BUB1B: variants seen among roughly 807,000 people sequenced by gnomAD.
BUB1B encodes the protein BUB1 mitotic checkpoint serine/threonine kinase B, also known as mitotic checkpoint serine/threonine-protein kinase BUB1 beta.
BUB1B carries 86 observed loss-of-function variants against 137.7 expected under a neutral mutation model. That is an observed-to-expected ratio of 0.62 (90% CI 0.52 to 0.75). BUB1B has a LOEUF of 0.75. BUB1B is among the 30% of genes least tolerant of loss of function. The pLI is 0.00. For synonymous variants in BUB1B, 420 were observed against 417.9 expected (o/e 1.00, Z -0.06); for missense variants, 1,130 against 1,236.9 (o/e 0.91, Z 1.30).
chr15:40,188,514 T>G (rs2037396427), intron 8 of BUB1B, among the ~76,000 whole-genome samples: 1 of 152,116 alleles, frequency 6.6e-6, no homozygotes, highest in African/African-American at 2.4e-5. Flanking sequence ...TACTTTGTCC[T>G]TGTCTTTTGG....
chr15:40,202,264 T>G, intron 12 of BUB1B, 141 bp from the exon 13 acceptor site: 1 of 709,456 alleles, frequency 1.4e-6, no homozygotes, highest in Non-Finnish European at 2.4e-6. Flanking sequence ...TGACCTTTTA[T>G]ATGTTTGAAG....
Position 40,170,200 on chromosome 15 carries a change from T to C in BUB1B, c.239+79T>C, listed in dbSNP as rs372984239. On this transcript the variant is annotated intron_variant, in intron 3 of 22. Coordinates refer to ENST00000287598, the MANE Select transcript of BUB1B (RefSeq NM_001211.6). ...TGGCCATGTTTCTCAAATTGGGGTA[T>C]ATGGAGTGTGTGTCAGAGTAGACAG... 50 of 1,356,922 alleles carry C rather than the reference T, an allele frequency of 3.7e-5. No homozygotes were observed. In the African/African-American group the frequency reaches 5.5e-4, roughly 15 times the overall value. The allele number at this position is 1,356,922 out of a possible 1,614,324, so 84.1% of individuals were successfully genotyped here. A position where few individuals can be genotyped will look rare whatever the true frequency, so the allele number is the denominator to read the frequency against.
chr15:40,167,177 G>GC (rs2037109387), intron 2 of BUB1B, among the ~76,000 whole-genome samples: 1 of 135,634 alleles, frequency 7.4e-6, no homozygotes, highest in Admixed American at 7.3e-5. Context: ...TTTTCTGGGT[G>GC]TTTTTTTTTT....
intron 15 of BUB1B, among the ~76,000 whole-genome samples, chr15:40,207,366 G>A (rs965953423): frequency 6.6e-6 from 1 of 152,190 alleles, no homozygotes; most frequent in Admixed American, 6.5e-5. Flanking sequence ...CACTTTGGGA[G>A]GCTGAGGGAG....
Position 40,217,594 on chromosome 15 carries a change from C to T in BUB1B, c.2777C>T (p.Thr926Ile), listed in dbSNP as rs74380950. 2.7e-5 allele frequency: 43 copies of T among 1,614,112 alleles called. No individual in the cohort carries two copies. In the African/African-American group the frequency reaches 5.3e-4, roughly 20 times the overall value. ...CTTAGGGTGCAGCTGGATGTTTTTA[C>T]CCTCAGCGGCTTTCGGACTGTACAG... ...VDLRVQLDVFTLSGFRTVQIL... is the reference protein window; with the variant it reads ...VDLRVQLDVFILSGFRTVQIL... The change falls in exon 21 of 23, where the codon ACC (threonine) becomes ATC (isoleucine). Residue 926 changes from threonine to isoleucine, a missense_variant. By Grantham distance (89) the Thr-to-Ile change is moderately conservative. Coordinates refer to ENST00000287598, the MANE Select transcript of BUB1B (RefSeq NM_001211.6).
intron 8 of BUB1B, among the ~76,000 whole-genome samples, chr15:40,193,524 A>G (rs1456127380): frequency 8.1e-6 from 1 of 123,582 alleles, no homozygotes; most frequent in African/African-American, 3.2e-5. Context: ...TCTGTTGCCC[A>G]GGCTGGGCTC....
chr15:40,208,462 C>T (rs549241256), intron 15 of BUB1B, among the ~76,000 whole-genome samples, 175 bp from the exon 16 acceptor site: 7 of 151,970 alleles, frequency 4.6e-5, no homozygotes, highest in East Asian at 3.9e-4. Flanking sequence ...CACTTGAACC[C>T]GGGAGGCAGA....
chr15:40,193,985 A>G (rs1325020513), intron 8 of BUB1B, among the ~76,000 whole-genome samples: 2 of 151,922 alleles, frequency 1.3e-5, no homozygotes, highest in Non-Finnish European at 2.9e-5. Context: ...AGCCTCCCAA[A>G]GTGCTGGAAT....
intron 21 of BUB1B, 23 bp downstream of exon 21, chr15:40,217,690 C>A (rs1301172921): frequency 4.3e-6 from 7 of 1,613,282 alleles, no homozygotes; most frequent in Non-Finnish European, 5.9e-6. Context: ...CAAGCCTGAG[C>A]AAATATGGAG....
At position 40,161,081 on chromosome 15, in the gene BUB1B, TG is replaced by T; in HGVS notation, c.-138del. On this transcript the variant is annotated 5_prime_UTR_variant, in exon 1 of 23. Coordinates refer to ENST00000287598, the MANE Select transcript of BUB1B (RefSeq NM_001211.6). ...GGCGGCTAGGGGTGTGGGCTTGAGG[TG>T]GCCGGTTTGTTAGGGAGTCGTGTAC... The T allele has an allele frequency of 8.7e-7, 1 of 1,144,922 alleles. No homozygotes were observed. Among genetic ancestry groups the T allele is most frequent in the Non-Finnish European group, 1.2e-6 (1 of 810,600 alleles). The allele number at this position is 1,144,922 out of a possible 1,614,324, so 70.9% of individuals were successfully genotyped here.
intron 1 of BUB1B, among the ~76,000 whole-genome samples, chr15:40,163,545 C>T (rs926442179): frequency 6.6e-6 from 1 of 152,200 alleles, no homozygotes. Context: ...GGAGGTACTT[C>T]TTGAAATTTT....
intron 5 of BUB1B, among the ~76,000 whole-genome samples, chr15:40,178,190 T>TA (rs1197334198): frequency 6.6e-6 from 1 of 152,090 alleles, no homozygotes; most frequent in Admixed American, 6.5e-5. Context: ...CTTTTTCTAA[T>TA]ATAAGCATTT....
At chr15:40,187,843 G>C (rs145109873) in intron 8 of BUB1B, among the ~76,000 whole-genome samples, 38 of 152,140 alleles carry the variant, frequency 2.5e-4, no homozygotes, top group Middle Eastern at 3.4e-3. Flanking sequence ...TTGTGGCTAC[G>C]GTGAGCTGTG....
Position 40,217,666 on chromosome 15 carries a change from A to G in BUB1B, c.2849A>G (p.Gln950Arg), listed in dbSNP as rs772525026. 6.1e-5 allele frequency: 99 copies of G among 1,614,182 alleles called. 2 individuals are homozygous for G. The South Asian group carries it at 1.0e-3, about 17-fold the overall frequency. Residue 950 changes from glutamine to arginine, a missense_variant and splice_region_variant, in exon 21 of 23, where the codon CAG becomes CGG. Transcript: ENST00000287598. ...CTGGCTAACTGTTCTTCTCCCTACC[A>G]GGTAAGTGTAAAACAAGCCTGAGCA... ...KILANCSSPY[Q>R]VDLFGIADLA...
In BUB1B at chr15:40,176,510, A is replaced by C. The variant is rs2037225300; in HGVS notation, c.418A>C (p.Ser140Arg). The change falls in exon 5 of 23, where the codon AGT becomes CGT. Residue 140 changes from serine to arginine, a missense_variant. By Grantham distance (110) the Ser-to-Arg change is moderately radical. Transcript: ENST00000287598. ...RLCNEPLDMY[S>R]YLHNQGIGVS... ...ATGCAATGAGCCTTTGGATATGTAC[A>C]GTTACTTGCACAACCAAGGGATTGG... The C allele has an allele frequency of 6.2e-7, 1 of 1,614,146 alleles. No individual in the cohort carries two copies. The highest frequency in any genetic ancestry group is 8.5e-7 in the Non-Finnish European group (1 of 1,180,022).
At chr15:40,166,114 A>G (rs180719784) in intron 2 of BUB1B, among the ~76,000 whole-genome samples, 11 of 152,314 alleles carry the variant, frequency 7.2e-5, no homozygotes, top group Admixed American at 6.5e-4. Flanking sequence ...TGGCATCCCA[A>G]AGTGCTGGGA....
At chr15:40,176,850 CTT>C (rs1323347244) in intron 5 of BUB1B, among the ~76,000 whole-genome samples, 177 bp downstream of exon 5, 1 of 152,036 alleles carries the variant, frequency 6.6e-6, no homozygotes, top group Admixed American at 6.6e-5. Context: ...AAAATCCACT[CTT>C]TGGTATATGG....
chr15:40,197,155 T>C (rs2037508700), intron 9 of BUB1B, among the ~76,000 whole-genome samples: 1 of 152,238 alleles, frequency 6.6e-6, no homozygotes. Context: ...GTACTTTTCC[T>C]AATGTTATTG....
chr15:40,162,080 G>A lies in BUB1B; in HGVS notation c.35+825G>A, dbSNP rs115430409. Among the ~76,000 whole-genome samples, 337 of 152,218 alleles carry A rather than the reference G, an allele frequency of 2.2e-3. 2 individuals carry two copies. Among genetic ancestry groups the A allele is most frequent in the African/African-American group, 7.7e-3 (321 of 41,512 alleles). Reference sequence around the variant, plus strand: ...ACTAAAAAAAATAATAAAGCAACTGGGTGTAGTGAATATTGGGGGTGGGGA... The same window carrying A: ...ACTAAAAAAAATAATAAAGCAACTGAGTGTAGTGAATATTGGGGGTGGGGA... On this transcript the variant is annotated intron_variant, in intron 1 of 22. Coordinates refer to ENST00000287598, the MANE Select transcript of BUB1B (RefSeq NM_001211.6).
Sources: allele counts gnomAD v4.1 joint callset (sites outside exome capture counted in the v4.1 genomes callset), GRCh38; gene constraint gnomAD v4.1.1; transcripts MANE v1.5; gene names NCBI Gene and HGNC (gene_info 2026-07-23, HGNC 2026-07-21).